Variants in BMP2K observed in about 807,000 individuals in gnomAD.
The protein encoded by BMP2K is BMP2 inducible kinase.
In BMP2K, 74 loss-of-function variants were observed where a neutral mutation model predicts 116.0. The observed-to-expected ratio is 0.64, with a 90% CI of 0.53 to 0.77. BMP2K has a LOEUF of 0.77. Ranked by LOEUF, BMP2K falls within the 30% of genes least tolerant of loss-of-function variation. The pLI is 0.00. For missense variants in BMP2K, 1,365 were observed against 1,403.6 expected (o/e 0.97, Z 0.44); for synonymous variants, 486 against 502.5 (o/e 0.97, Z 0.44).
chr4:78,820,082 TAAC>T (rs1343619814), intron 1 of BMP2K, among the ~76,000 whole-genome samples: 3 of 152,242 alleles, frequency 2.0e-5, no homozygotes, highest in African/African-American at 7.2e-5. Context: ...CTTACTATAA[TAAC>T]TGTGAAAATG....
chr4:78,832,877 A>C (rs1218259752), intron 2 of BMP2K, among the ~76,000 whole-genome samples: 1 of 152,038 alleles, frequency 6.6e-6, no homozygotes, highest in East Asian at 1.9e-4. Flanking sequence ...GCATAGTTAA[A>C]ACTAGGTTTA....
At chr4:78,859,322 T>C (rs1731656614) in intron 7 of BMP2K, 1 of 276,134 alleles carries the variant, frequency 3.6e-6, no homozygotes, top group East Asian at 6.3e-5. Flanking sequence ...TTGTGTCACT[T>C]TTTCAATAGA....
At chr4:78,809,701 T>TA (rs1036853922) in intron 1 of BMP2K, among the ~76,000 whole-genome samples, 14 of 151,602 alleles carry the variant, frequency 9.2e-5, no homozygotes, top group East Asian at 3.9e-4. Context: ...TTTTTTTTTT[T>TA]AAATAATTTC....
chr4:78,838,603 A>G (rs1730608191), intron 3 of BMP2K, among the ~76,000 whole-genome samples: 1 of 152,202 alleles, frequency 6.6e-6, no homozygotes, highest in South Asian at 2.1e-4. Flanking sequence ...CTCTCCACTT[A>G]CTTCCTCTGT....
chr4:78,910,195 C>T (rs1734511554), intron 15 of BMP2K, among the ~76,000 whole-genome samples: 1 of 152,176 alleles, frequency 6.6e-6, no homozygotes, highest in Admixed American at 6.5e-5. Flanking sequence ...GCTTGTTGAT[C>T]TCTATGGGAA....
At chr4:78,797,327 T>G (rs912888831) in intron 1 of BMP2K, among the ~76,000 whole-genome samples, 5 of 152,150 alleles carry the variant, frequency 3.3e-5, no homozygotes, top group African/African-American at 1.2e-4. Flanking sequence ...ACCCCAAAAG[T>G]GATCAAATCA....
chr4:78,871,726 A>G, intron 11 of BMP2K, 124 bp from the exon 12 acceptor site: 1 of 547,396 alleles, frequency 1.8e-6, no homozygotes, highest in Non-Finnish European at 3.3e-6. Flanking sequence ...TTTAGAGTAT[A>G]GCTATTTTGT....
intron 1 of BMP2K, among the ~76,000 whole-genome samples, chr4:78,796,036 A>T (rs1728249421): frequency 6.6e-6 from 1 of 151,976 alleles, no homozygotes; most frequent in Non-Finnish European, 1.5e-5. Flanking sequence ...CCATCCCATT[A>T]CTGGGTATAT....
chr4:78,776,653 C>A lies in BMP2K; in HGVS notation c.110C>A (p.Ser37Ter). The A allele has an allele frequency of 8.1e-7, 1 of 1,228,448 alleles. No individual in the cohort carries two copies. The highest frequency in any genetic ancestry group is 1.0e-6 in the Non-Finnish European group (1 of 981,482). The allele number at this position is 1,228,448 out of a possible 1,614,324, so 76.1% of individuals were successfully genotyped here. Residue 37 changes from serine to a stop codon, truncating the protein, a stop_gained, in exon 1 of 16, where the codon TCG becomes TAG. Transcript: ENST00000502613. LOFTEE classifies it high-confidence loss of function. ...GAGAGCGSGG[S>*]SVGVRVFAVG... Reference sequence around the variant, plus strand: ...GGGGCCGGCTGCGGCTCCGGCGGCTCGTCCGTGGGGGTCCGGGTGTTCGCG... The same window carrying A: ...GGGGCCGGCTGCGGCTCCGGCGGCTAGTCCGTGGGGGTCCGGGTGTTCGCG...
At chr4:78,876,946 G>A (rs1313370779) in intron 13 of BMP2K, among the ~76,000 whole-genome samples, 1 of 152,092 alleles carries the variant, frequency 6.6e-6, no homozygotes, top group Non-Finnish European at 1.5e-5. Context: ...AACCTGTATA[G>A]CATGTTACTA....
chr4:78,880,151 C>T (rs1375834431), intron 14 of BMP2K, among the ~76,000 whole-genome samples: 1 of 152,236 alleles, frequency 6.6e-6, no homozygotes, highest in Non-Finnish European at 1.5e-5. Flanking sequence ...CGGCTCACCG[C>T]AACCTCCGCC....
Position 78,871,739 on chromosome 4 carries a change from TGA to T in BMP2K, c.1510-110_1510-109del, listed in dbSNP as rs1290521392. The T allele has an allele frequency of 9.9e-6, 6 of 605,562 alleles. No individual in the cohort carries two copies. In the East Asian group the frequency reaches 1.7e-4, roughly 17 times the overall value. 37.5% of individuals were successfully genotyped at this position (605,562 alleles called of 1,614,324 possible). ...AATTTAGAGTATAGCTATTTTGTAT[TGA>T]TGTTTGGACTACTGATTTCTCAAAT... On this transcript the variant is annotated intron_variant, in intron 11 of 15. Transcript: ENST00000502613.
intron 1 of BMP2K, among the ~76,000 whole-genome samples, chr4:78,796,330 A>G (rs1392747866): frequency 2.7e-5 from 4 of 145,910 alleles, no homozygotes; most frequent in African/African-American, 7.6e-5. Context: ...GGTGGGAATT[A>G]AACAATGAGA....
chr4:78,899,218 G>A (rs1471554967), intron 15 of BMP2K: 1 of 152,144 alleles, frequency 6.6e-6, no homozygotes. Flanking sequence ...ATTTAGAGGG[G>A]CAGAATATAT....
chr4:78,819,491 CTTA>C (rs1729514977), intron 1 of BMP2K, among the ~76,000 whole-genome samples: 1 of 152,140 alleles, frequency 6.6e-6, no homozygotes, highest in Non-Finnish European at 1.5e-5. Flanking sequence ...ATGAGGAGAC[CTTA>C]TTATCTCTGC....
At chr4:78,800,816 A>G (rs1728534630) in intron 1 of BMP2K, among the ~76,000 whole-genome samples, 1 of 152,214 alleles carries the variant, frequency 6.6e-6, no homozygotes, top group African/African-American at 2.4e-5. Context: ...GTGTTTAAAT[A>G]CAATAAATGT....
intron 15 of BMP2K, among the ~76,000 whole-genome samples, chr4:78,904,624 A>C (rs914303470): frequency 6.6e-6 from 1 of 151,972 alleles, no homozygotes; most frequent in African/African-American, 2.4e-5. Flanking sequence ...AGTTTCCAGC[A>C]ATCAGACTCA....
At chr4:78,871,728 C>T in intron 11 of BMP2K, 122 bp from the exon 12 acceptor site, 4 of 547,690 alleles carry the variant, frequency 7.3e-6, no homozygotes, top group Non-Finnish European at 1.3e-5. Flanking sequence ...TAGAGTATAG[C>T]TATTTTGTAT....
intron 1 of BMP2K, among the ~76,000 whole-genome samples, chr4:78,817,714 G>C (rs1729420153): frequency 6.6e-6 from 1 of 152,146 alleles, no homozygotes; most frequent in Non-Finnish European, 1.5e-5. Flanking sequence ...TATCCGCAGA[G>C]GTAGGGGGTC....
Sources: allele counts gnomAD v4.1 joint callset (sites outside exome capture counted in the v4.1 genomes callset), GRCh38; gene constraint gnomAD v4.1.1; transcripts MANE v1.5; gene names NCBI Gene and HGNC (gene_info 2026-07-23, HGNC 2026-07-21).